The following TRAPPC6A variants were observed in gnomAD, a reference collection of about 807,000 sequenced individuals.
TRAPPC6A encodes the protein TRAPP complex subunit 6A.
TRAPPC6A carries 25 observed loss-of-function variants against 20.8 expected under a neutral mutation model. The ratio of observed to expected loss-of-function variants is 1.20; its 90% CI spans 0.88 to 1.68. TRAPPC6A has a LOEUF of 1.68. Ranked by LOEUF, TRAPPC6A falls within the 40% of genes most tolerant of loss-of-function variation. The pLI, the probability that TRAPPC6A is intolerant of heterozygous loss-of-function variation, is 0.00. For missense variants in TRAPPC6A, 215 were observed against 211.6 expected (o/e 1.02, Z -0.10); for synonymous variants, 96 against 93.3 (o/e 1.03, Z -0.16).
chr19:45,168,867 C>T (rs73564245), intron 1 of TRAPPC6A, among the ~76,000 whole-genome samples: 2,242 of 152,204 alleles, frequency 0.015, 64 homozygotes, highest in African/African-American at 0.049. Flanking sequence ...GAGGGCCTCA[C>T]GGAGGTGAGG....
At chr19:45,167,572 T>G (rs998994771) in intron 1 of TRAPPC6A, among the ~76,000 whole-genome samples, 5 of 152,180 alleles carry the variant, frequency 3.3e-5, no homozygotes, top group African/African-American at 4.8e-5. Context: ...AACCTCTGCC[T>G]CCCGGGTTCA....
rs1252190074 is a variant in TRAPPC6A at position 45,165,044 on chromosome 19, A to G, written c.153-74T>C. 20 of 1,609,112 alleles carry G rather than the reference A, an allele frequency of 1.2e-5. No individual in the cohort carries two copies. In the Admixed American group the frequency reaches 3.2e-4, roughly 25 times the overall value. On this transcript the variant is annotated intron_variant, in intron 2 of 5. Coordinates refer to ENST00000585934, the MANE Select transcript of TRAPPC6A (RefSeq NM_001270891.2). ...GGAGGAAGACAGGCCCGACTCCTGC[A>G]TGGAGCAATGCAACCCTCCCCGCCC...
intron 1 of TRAPPC6A, among the ~76,000 whole-genome samples, chr19:45,168,402 C>T (rs975814918): frequency 2.0e-5 from 3 of 152,240 alleles, no homozygotes; most frequent in Non-Finnish European, 4.4e-5. Flanking sequence ...CCCGTCCTGG[C>T]AGGGCCAAAA....
intron 1 of TRAPPC6A, among the ~76,000 whole-genome samples, chr19:45,176,189 G>T (rs1384989357): frequency 1.3e-5 from 2 of 151,956 alleles, no homozygotes; most frequent in Non-Finnish European, 2.9e-5. Flanking sequence ...AGGCACAGTG[G>T]CTCACACCTG....
chr19:45,164,218 G>A lies in TRAPPC6A; in HGVS notation c.300C>T (p.Phe100=), dbSNP rs374650680. 1 of 1,609,610 alleles carries A rather than the reference G, an allele frequency of 6.2e-7. No homozygotes were observed. Among genetic ancestry groups the A allele is most frequent in the Admixed American group, 1.7e-5 (1 of 59,590 alleles). The change falls in exon 4 of 6, where the codon TTC becomes TTT. Residue 100 remains phenylalanine, a synonymous_variant. Coordinates refer to ENST00000585934, the MANE Select transcript of TRAPPC6A (RefSeq NM_001270891.2). Reference sequence around the variant, plus strand: ...CAGAGGCCATCGGGAGGAGGAGGGGGAAGCTGTTGTCTTGCAGGACGTAGG... The same window carrying A: ...CAGAGGCCATCGGGAGGAGGAGGGGAAAGCTGTTGTCTTGCAGGACGTAGG... ...QGTYVLQDNS[F]PLLLPMASGL... is the part of the protein sequence containing the mutation.
chr19:45,176,695 C>T (rs983844124), intron 1 of TRAPPC6A, among the ~76,000 whole-genome samples: 3 of 152,062 alleles, frequency 2.0e-5, no homozygotes, highest in African/African-American at 7.2e-5. Flanking sequence ...CAAGCAACAT[C>T]CTCCCTGGGG....
At chr19:45,176,126 G>C (rs951387625) in intron 1 of TRAPPC6A, among the ~76,000 whole-genome samples, 2 of 151,894 alleles carry the variant, frequency 1.3e-5, no homozygotes, top group Admixed American at 6.6e-5. Flanking sequence ...CCGAGTTCTT[G>C]GTAGTATAGG....
At chr19:45,166,893 G>C (rs1015610293) in intron 1 of TRAPPC6A, among the ~76,000 whole-genome samples, 2 of 152,108 alleles carry the variant, frequency 1.3e-5, no homozygotes, top group Non-Finnish European at 2.9e-5. Context: ...GCCCTGGAGC[G>C]GGTCTCCCAG....
chr19:45,174,906 G>C (rs1969334101), intron 1 of TRAPPC6A, among the ~76,000 whole-genome samples: 2 of 150,074 alleles, frequency 1.3e-5, no homozygotes, highest in Non-Finnish European at 3.0e-5. Context: ...AGATCATGAG[G>C]TCAGGAGATC....
At chr19:45,164,059 C>T (rs367983266) in intron 4 of TRAPPC6A, 50 bp from the exon 5 acceptor site, 7 of 1,552,570 alleles carry the variant, frequency 4.5e-6, no homozygotes, top group Middle Eastern at 1.7e-4. Flanking sequence ...GGCCAGCACC[C>T]GAGGTCTGGG....
At chr19:45,165,913 A>AT (rs879886820) in intron 1 of TRAPPC6A, among the ~76,000 whole-genome samples, 259 of 144,402 alleles carry the variant, frequency 1.8e-3, no homozygotes, top group African/African-American at 4.7e-3. Flanking sequence ...ATGCTCATGG[A>AT]TTTTTTTTTT....
intron 1 of TRAPPC6A, among the ~76,000 whole-genome samples, chr19:45,171,299 C>CTCAAAACAAAACAAAACAAA (rs1555749991): frequency 5.0e-4 from 75 of 149,950 alleles, no homozygotes; most frequent in African/African-American, 1.8e-3. Context: ...GAGACTCAGT[C>CTCAAAACAAAACAAAACAAA]ACAAAACAAA....
intron 1 of TRAPPC6A, among the ~76,000 whole-genome samples, chr19:45,177,848 G>A (rs1184394864): frequency 1.3e-5 from 2 of 152,204 alleles, no homozygotes; most frequent in African/African-American, 4.8e-5. Flanking sequence ...AGTGGGGGAG[G>A]CGAGTCCTCA....
At position 45,172,592 on chromosome 19, in the gene TRAPPC6A, G is replaced by A. The variant is rs953493500; in HGVS notation, c.84+5543C>T. Among the ~76,000 whole-genome samples, 5 of 151,626 alleles carry A rather than the reference G, an allele frequency of 3.3e-5. No individual in the cohort carries two copies. Among genetic ancestry groups the A allele is most frequent in the Non-Finnish European group, 7.4e-5 (5 of 68,026 alleles). On this transcript the variant is annotated intron_variant, in intron 1 of 5. Coordinates refer to ENST00000585934, the MANE Select transcript of TRAPPC6A (RefSeq NM_001270891.2). This position sits in a 1 kb window ranked among gnomAD's most constrained non-coding sequence, Gnocchi z 4.2. ...ACAGATGGGTGAGTGAGGGGTGGGT[G>A]CGAGAAGCCTGCAGGACTTCCCTGC...
chr19:45,175,284 G>A (rs561074737), intron 1 of TRAPPC6A, among the ~76,000 whole-genome samples: 5 of 146,458 alleles, frequency 3.4e-5, no homozygotes, highest in Non-Finnish European at 7.5e-5. Context: ...AAAATTAGCC[G>A]GGTGTGGTGT....
chr19:45,174,199 C>T (rs1017549649), intron 1 of TRAPPC6A, among the ~76,000 whole-genome samples: 1 of 152,140 alleles, frequency 6.6e-6, no homozygotes, highest in Non-Finnish European at 1.5e-5. Flanking sequence ...ATCTGTAAAT[C>T]GGGGAGGACC....
rs1969308736 is a variant in TRAPPC6A at position 45,173,712 on chromosome 19, G to A, written c.84+4423C>T. 1.3e-5 allele frequency among the ~76,000 whole-genome samples: 2 copies of A among 152,288 alleles called. No individual in the cohort carries two copies. Among genetic ancestry groups the A allele is most frequent in the Middle Eastern group, 3.4e-3 (1 of 294 alleles). On this transcript the variant is annotated intron_variant, in intron 1 of 5. Coordinates refer to ENST00000585934, the MANE Select transcript of TRAPPC6A (RefSeq NM_001270891.2). This position sits in a 1 kb window ranked among gnomAD's most constrained non-coding sequence, Gnocchi z 4.8. Reference sequence around the variant, plus strand: ...GAGAAGGAATGGAGAGAGGAGGTGGGGCCAATAAAGAGAAAGGACTGAGGA... The same window carrying A: ...GAGAAGGAATGGAGAGAGGAGGTGGAGCCAATAAAGAGAAAGGACTGAGGA...
At position 45,178,043 on chromosome 19, in the gene TRAPPC6A, G is replaced by C. The variant is rs750262821; in HGVS notation, c.84+92C>G. 4 of 1,590,388 alleles carry C rather than the reference G, an allele frequency of 2.5e-6. No homozygotes were observed. The Admixed American group carries it at 7.0e-5, about 28-fold the overall frequency. On this transcript the variant is annotated intron_variant, in intron 1 of 5. Transcript: ENST00000585934. Reference sequence around the variant, plus strand: ...GCCCTGCAAGGCCGGGGCTGGGCCGGGTTCGAACCCGGACGCCTGACGCGC... The same window carrying C: ...GCCCTGCAAGGCCGGGGCTGGGCCGCGTTCGAACCCGGACGCCTGACGCGC...
intron 1 of TRAPPC6A, among the ~76,000 whole-genome samples, chr19:45,174,720 T>G (rs1969329025): frequency 6.6e-6 from 1 of 151,984 alleles, no homozygotes; most frequent in African/African-American, 2.4e-5. Flanking sequence ...TCCTAGCTAC[T>G]CAGGAGGCTG....
Sources: gnomAD v4.1 joint callset for allele counts (sites outside exome capture counted in the v4.1 genomes callset) on GRCh38, gnomAD v4.1.1 for gene constraint, Gnocchi (gnomAD v3.1) non-coding constraint, MANE v1.5 for transcripts, NCBI Gene and HGNC (gene_info 2026-07-23, HGNC 2026-07-21) for gene names.